The following DNMT3A variants were observed in gnomAD, a reference collection of about 807,000 sequenced individuals.
DNMT3A encodes DNA (cytosine-5)-methyltransferase 3A.
DNMT3A carries 267 observed loss-of-function variants against 117.6 expected under a neutral mutation model. That is an observed-to-expected ratio of 2.27 (90% CI 2.05 to 2.51). The LOEUF (loss-of-function observed/expected upper bound fraction) is 2.51. DNMT3A is among the 30% of genes most tolerant of loss of function. The pLI is 0.00. For missense variants in DNMT3A, 1,029 were observed against 1,260.2 expected (o/e 0.82, Z 2.78); for synonymous variants, 432 against 474.8 (o/e 0.91, Z 1.17).
chr2:25,271,170 C>A (rs1022301764), intron 6 of DNMT3A, among the ~76,000 whole-genome samples: 31 of 150,866 alleles, frequency 2.1e-4, no homozygotes, highest in African/African-American at 7.3e-4. Flanking sequence ...CATGGTGAAA[C>A]CCCCATCTCT....
rs771475801 is a variant in DNMT3A at position 25,247,144 on chromosome 2, C to T, written c.1029G>A (p.Lys343=). ...TGCAAAACGAGCTCAGCGGCATCAG[C>T]TTCTCAACACACACCTGGGGGGACA... The part of the protein sequence containing the change: ...DGKFSVVCVE[K]LMPLSSFCSA... The change falls in exon 9 of 23, where the codon AAG becomes AAA. Residue 343 remains lysine (K), a synonymous_variant. Coordinates refer to ENST00000321117, the MANE Select transcript of DNMT3A (RefSeq NM_022552.5). This position sits in a 1 kb window ranked among gnomAD's most constrained non-coding sequence, Gnocchi z 5.6. The T allele has an allele frequency of 4.3e-6, 7 of 1,614,036 alleles. No homozygotes were observed. Among genetic ancestry groups the T allele is most frequent in the Admixed American group, 1.7e-5 (1 of 60,016 alleles).
At chr2:25,243,662 T>C (rs1276249663) in intron 16 of DNMT3A, among the ~76,000 whole-genome samples, 1 of 152,262 alleles carries the variant, frequency 6.6e-6, no homozygotes, top group Non-Finnish European at 1.5e-5. Context: ...TCTTCCTTAC[T>C]AAGGAAGCGC....
At position 25,306,561 on chromosome 2, in the gene DNMT3A, C is replaced by T. The variant is rs550571702; in HGVS notation, c.73-6318G>A. Among the ~76,000 whole-genome samples the T allele has an allele frequency of 1.3e-3, 201 of 152,296 alleles. 7 individuals are homozygous for T. In the South Asian group the frequency reaches 0.04, roughly 30 times the overall value. On this transcript the variant is annotated intron_variant, in intron 2 of 22. Coordinates refer to ENST00000321117, the MANE Select transcript of DNMT3A (RefSeq NM_022552.5). The surrounding 1 kb of genome is among the most constrained non-coding windows in gnomAD (Gnocchi z 4.1). The stretch of plus-strand genomic sequence containing the variant: ...TCCAGAAATGCTAAATAGCTGACAA[C>T]GGTGGTGCCCATCTGGTTCCCAGGC...
At chr2:25,279,399 G>C (rs758363784) in intron 4 of DNMT3A, among the ~76,000 whole-genome samples, 3 of 152,166 alleles carry the variant, frequency 2.0e-5, no homozygotes, top group East Asian at 1.9e-4. Context: ...CATCCTCTCC[G>C]GGGCCTTAGT....
chr2:25,254,864 G>A lies in DNMT3A; in HGVS notation c.640-6612C>T, dbSNP rs1675982579. Among the ~76,000 whole-genome samples, 1 of 152,210 alleles carries A rather than the reference G, an allele frequency of 6.6e-6. No homozygotes were observed. The highest frequency in any genetic ancestry group is 2.4e-5 in the African/African-American group (1 of 41,436). On this transcript the variant is annotated intron_variant, in intron 6 of 22. Transcript: ENST00000321117. This position sits in a 1 kb window ranked among gnomAD's most constrained non-coding sequence, Gnocchi z 4.7. ...TCTTGGGACATAAGACTGCAATGATGCCGTGCGTGCAGCAAGGACTCAAGG... is the reference window on the plus strand; with the variant it reads ...TCTTGGGACATAAGACTGCAATGATACCGTGCGTGCAGCAAGGACTCAAGG...
intron 6 of DNMT3A, among the ~76,000 whole-genome samples, chr2:25,271,307 G>A (rs1402438512): frequency 6.6e-6 from 1 of 152,132 alleles, no homozygotes; most frequent in Non-Finnish European, 1.5e-5. Flanking sequence ...TTGCACTCCA[G>A]CCTTTGCACT....
intron 6 of DNMT3A, among the ~76,000 whole-genome samples, chr2:25,271,959 T>C (rs1170099744): frequency 6.6e-6 from 1 of 152,154 alleles, no homozygotes; most frequent in African/African-American, 2.4e-5. Flanking sequence ...CTTCTGCATA[T>C]GTTAGAAAAT....
intron 3 of DNMT3A, among the ~76,000 whole-genome samples, chr2:25,297,942 A>G (rs2033195022): frequency 1.3e-5 from 2 of 152,278 alleles, no homozygotes; most frequent in South Asian, 4.1e-4. Flanking sequence ...TCAAGGACAC[A>G]TGCTGGGAAG....
chr2:25,270,578 T>C (rs1056154025), intron 6 of DNMT3A, among the ~76,000 whole-genome samples: 2 of 151,928 alleles, frequency 1.3e-5, no homozygotes, highest in African/African-American at 4.8e-5. Flanking sequence ...CTGGGTGGTT[T>C]GTCAGGAGGG....
Position 25,252,370 on chromosome 2 carries a change from T to A in DNMT3A, c.640-4118A>T. ...GGGGAGGGAGGGAACATTTTCTTTGTCTAGGACTCCAGGTCACGTGGGCCC... is the reference window on the plus strand; with the variant it reads ...GGGGAGGGAGGGAACATTTTCTTTGACTAGGACTCCAGGTCACGTGGGCCC... On this transcript the variant is annotated intron_variant, in intron 6 of 22. Coordinates refer to ENST00000321117, the MANE Select transcript of DNMT3A (RefSeq NM_022552.5). This position sits in a 1 kb window ranked among gnomAD's most constrained non-coding sequence, Gnocchi z 5.5. 1.6e-6 allele frequency: 1 copy of A among 643,936 alleles called. No individual in the cohort carries two copies. The highest frequency in any genetic ancestry group is 2.4e-6 in the Non-Finnish European group (1 of 421,294). 39.9% of individuals were successfully genotyped at this position (643,936 alleles called of 1,614,324 possible). A position where few individuals can be genotyped will look rare whatever the true frequency, so the allele number is the denominator to read the frequency against.
Position 25,247,165 on chromosome 2 carries a change from G to A in DNMT3A, c.1015-7C>T, listed in dbSNP as rs1443902475. The A allele has an allele frequency of 1.2e-6, 2 of 1,613,014 alleles. No individual in the cohort carries two copies. Among genetic ancestry groups the A allele is most frequent in the Admixed American group, 1.7e-5 (1 of 59,942 alleles). On this transcript the variant is annotated splice_polypyrimidine_tract_variant and splice_region_variant and intron_variant, in intron 8 of 22. Transcript: ENST00000321117. The surrounding 1 kb of genome is among the most constrained non-coding windows in gnomAD (Gnocchi z 5.6). ...TCAGCTTCTCAACACACACCTGGGG[G>A]GACAAGCCAGGCCTTGTTTGCCGAG...
chr2:25,269,048 G>A (rs1558693044), intron 6 of DNMT3A, among the ~76,000 whole-genome samples: 1 of 152,260 alleles, frequency 6.6e-6, no homozygotes, highest in Non-Finnish European at 1.5e-5. Flanking sequence ...CAGTCTGAGT[G>A]CAGTGGCTCA....
chr2:25,253,319 C>T (rs1310726347), intron 6 of DNMT3A, among the ~76,000 whole-genome samples: 2 of 152,124 alleles, frequency 1.3e-5, no homozygotes, highest in African/African-American at 4.8e-5. Flanking sequence ...GAAGATTCCA[C>T]TAGACTTGGA....
chr2:25,289,053 AT>A (rs2032545160), intron 3 of DNMT3A, among the ~76,000 whole-genome samples: 1 of 151,050 alleles, frequency 6.6e-6, no homozygotes, highest in African/African-American at 2.4e-5. Context: ...TCTGAATCTA[AT>A]TATCTGTTTA....
At chr2:25,328,440 C>A (rs1387383839) in intron 1 of DNMT3A, among the ~76,000 whole-genome samples, 2 of 152,102 alleles carry the variant, frequency 1.3e-5, no homozygotes, top group African/African-American at 2.4e-5. Flanking sequence ...TCCTTCAACC[C>A]AACATCTCTC....
intron 20 of DNMT3A, 25 bp downstream of exon 20, chr2:25,239,105 C>T: frequency 1.2e-6 from 2 of 1,611,504 alleles, no homozygotes; most frequent in Admixed American, 1.7e-5. Context: ...CCCACAGCCC[C>T]CCAGGCCCAG....
intron 6 of DNMT3A, among the ~76,000 whole-genome samples, chr2:25,253,989 T>C (rs1206602004): frequency 6.6e-6 from 1 of 151,738 alleles, no homozygotes; most frequent in African/African-American, 2.4e-5. Flanking sequence ...AGAGAATCGC[T>C]TCAACTTAGG....
rs1255845885 is a variant in DNMT3A, at chr2:25,252,112, C to G, written c.640-3860G>C. On this transcript the variant is annotated intron_variant, in intron 6 of 22. Coordinates refer to ENST00000321117, the MANE Select transcript of DNMT3A (RefSeq NM_022552.5). This position sits in a 1 kb window ranked among gnomAD's most constrained non-coding sequence, Gnocchi z 5.5. ...GGAGGCATACTTCACTCTTTTCAAA[C>G]CCGGAGGGCTGCGGAGATCCTCCCA... 2.6e-6 allele frequency: 4 copies of G among 1,520,102 alleles called. No homozygotes were observed. In the East Asian group the frequency reaches 1.0e-4, roughly 39 times the overall value. 94.2% of individuals were successfully genotyped at this position (1,520,102 alleles called of 1,614,324 possible). A position where few individuals can be genotyped will look rare whatever the true frequency, so the allele number is the denominator to read the frequency against.
chr2:25,328,034 A>C (rs1181275180), intron 1 of DNMT3A, among the ~76,000 whole-genome samples: 1 of 152,126 alleles, frequency 6.6e-6, no homozygotes, highest in African/African-American at 2.4e-5. Context: ...TGCCTCTGGC[A>C]TCTCTACCTC....
Sources: allele counts gnomAD v4.1 joint callset (sites outside exome capture counted in the v4.1 genomes callset), GRCh38; gene constraint gnomAD v4.1.1; non-coding constraint Gnocchi (gnomAD v3.1); transcripts MANE v1.5; gene names NCBI Gene and HGNC (gene_info 2026-07-23, HGNC 2026-07-21).